The following CACNA1C variants were observed in gnomAD, a reference collection of about 807,000 sequenced individuals.
CACNA1C encodes the protein voltage-dependent L-type calcium channel subunit alpha-1C.
In CACNA1C, 30 loss-of-function variants were observed where a neutral mutation model predicts 229.0. The observed-to-expected ratio is 0.13, with a 90% CI of 0.10 to 0.18. The LOEUF is 0.18. Ranked by LOEUF, CACNA1C falls within the 10% of genes least tolerant of loss-of-function variation. The probability of loss-of-function intolerance (pLI) is 1.00; values close to 1 mark genes in which losing one functional copy is unlikely to be tolerated. For synonymous variants in CACNA1C, 1,114 were observed against 1,132.5 expected, an observed-to-expected ratio of 0.98 and a Z score of 0.33; for missense variants, 1,658 against 2,845.0, an observed-to-expected ratio of 0.58 and a Z score of 9.49.
chr12:2,445,233 A>G (rs1257485815), intron 3 of CACNA1C, among the ~76,000 whole-genome samples: 1 of 152,024 alleles, frequency 6.6e-6, no homozygotes, highest in Non-Finnish European at 1.5e-5. Context: ...GAAGATTCTT[A>G]CTTTGGGAAG....
rs545982876 is a variant in CACNA1C, at chr12:2,348,777, T to A, written c.478-100199T>A. ...TCGGGAACTGGGTGGCATGGGAGAG[T>A]AGCTTCAAGCTTGCTCATGGCTGGA... On this transcript the variant is annotated intron_variant, in intron 3 of 46. Coordinates refer to ENST00000399655, the MANE Select transcript of CACNA1C (RefSeq NM_000719.7). This position sits in a 1 kb window ranked among gnomAD's most constrained non-coding sequence, Gnocchi z 4.7. Among the ~76,000 whole-genome samples the A allele has an allele frequency of 6.6e-6, 1 of 151,536 alleles. No individual in the cohort carries two copies. The highest frequency in any genetic ancestry group is 6.6e-5 in the Admixed American group (1 of 15,222).
chr12:2,221,418 G>T lies in CACNA1C; in HGVS notation c.477+100988G>T, dbSNP rs187493155. ...GCAGTGGAGGTGAGATGAATGGACA[G>T]AATTTGGCCAGTGGGATGAATGCAA... On this transcript the variant is annotated intron_variant, in intron 3 of 46. Coordinates refer to ENST00000399655, the MANE Select transcript of CACNA1C (RefSeq NM_000719.7). Among the ~76,000 whole-genome samples, 1,066 of 152,326 alleles carry T rather than the reference G, an allele frequency of 7.0e-3. 12 individuals carry two copies. Among genetic ancestry groups the T allele is most frequent in the African/African-American group, 0.024 (1,003 of 41,566 alleles).
chr12:2,245,940 C>T (rs180687515), intron 3 of CACNA1C, among the ~76,000 whole-genome samples: 16 of 152,086 alleles, frequency 1.1e-4, no homozygotes, highest in East Asian at 3.9e-4. Flanking sequence ...AATAAGGGAC[C>T]GTGGAGCTCT....
At chr12:2,618,383 A>G (rs532030310) in intron 29 of CACNA1C, among the ~76,000 whole-genome samples, 313 of 152,340 alleles carry the variant, frequency 2.1e-3, no homozygotes, top group Non-Finnish European at 3.6e-3. Context: ...ACGGCACACC[A>G]AAGAACAGGC....
At chr12:2,518,285 A>G (rs1040192161) in intron 9 of CACNA1C, among the ~76,000 whole-genome samples, 2 of 152,178 alleles carry the variant, frequency 1.3e-5, no homozygotes, top group Non-Finnish European at 1.5e-5. Context: ...TATATGTGTC[A>G]AGGGCATGTA....
chr12:2,585,974 G>A lies in CACNA1C; in HGVS notation c.2530+70G>A, dbSNP rs1417795900. The A allele has an allele frequency of 1.1e-6, 1 of 911,282 alleles. No individual in the cohort carries two copies. Among genetic ancestry groups the A allele is most frequent in the Non-Finnish European group, 1.7e-6 (1 of 597,360 alleles). The allele number at this position is 911,282 out of a possible 1,614,324, so 56.4% of individuals were successfully genotyped here. ...GAGATCTAAATTCTAAAGCCACGTGGGAGTGGCCATATATTAGGGACCATG... is the reference window on the plus strand; with the variant it reads ...GAGATCTAAATTCTAAAGCCACGTGAGAGTGGCCATATATTAGGGACCATG... On this transcript the variant is annotated intron_variant, in intron 18 of 46. Transcript: ENST00000399655. The surrounding 1 kb of genome is among the most constrained non-coding windows in gnomAD (Gnocchi z 4.1).
At chr12:2,489,116 CTTTCTTT>C (rs2099708054) in intron 6 of CACNA1C, among the ~76,000 whole-genome samples, 1 of 151,958 alleles carries the variant, frequency 6.6e-6, no homozygotes, top group African/African-American at 2.4e-5. Flanking sequence ...TTCTTTCTTT[CTTTCTTT>C]TTTTAAAATT....
intron 3 of CACNA1C, among the ~76,000 whole-genome samples, chr12:2,155,466 A>G (rs997638036): frequency 6.6e-5 from 10 of 152,182 alleles, no homozygotes; most frequent in African/African-American, 2.4e-5. Flanking sequence ...TCCGTACATA[A>G]TGAGTTTTTA....
At chr12:2,241,675 C>T (rs570581303) in intron 3 of CACNA1C, among the ~76,000 whole-genome samples, 9 of 152,294 alleles carry the variant, frequency 5.9e-5, no homozygotes, top group African/African-American at 1.9e-4. Flanking sequence ...CTCCCTGTCA[C>T]AGTCAGCTCT....
chr12:2,188,453 T>C (rs2097110967), intron 3 of CACNA1C, among the ~76,000 whole-genome samples: 1 of 152,234 alleles, frequency 6.6e-6, no homozygotes, highest in African/African-American at 2.4e-5. Context: ...TCTAGTTTTA[T>C]ATTTTGGACC....
At chr12:2,682,483 T>C in intron 42 of CACNA1C, 67 bp from the exon 43 acceptor site, 1 of 1,575,626 alleles carries the variant, frequency 6.3e-7, no homozygotes, top group African/African-American at 1.3e-5. Context: ...TGTGATGCTT[T>C]ACTTGCTGAA....
intron 9 of CACNA1C, 139 bp from the exon 10 acceptor site, chr12:2,549,804 C>G (rs973881303): frequency 4.5e-6 from 3 of 672,194 alleles, no homozygotes; most frequent in East Asian, 2.7e-5. Flanking sequence ...CTGTGCAGAT[C>G]AGCCAGCCAG....
chr12:1,979,256 C>T (rs754490063), intron 1 of CACNA1C, among the ~76,000 whole-genome samples: 18 of 152,164 alleles, frequency 1.2e-4, no homozygotes, highest in South Asian at 8.3e-4. Context: ...TCAGGTGATC[C>T]GCCTGCTTCG....
intron 7 of CACNA1C, among the ~76,000 whole-genome samples, chr12:2,497,993 A>ACACACACACACACACT (rs1277321658): frequency 6.6e-6 from 1 of 151,934 alleles, no homozygotes; most frequent in Non-Finnish European, 1.5e-5. Context: ...ACACACACAC[A>ACACACACACACACACT]CACACACACA....
chr12:2,166,486 A>G (rs2096239226), intron 3 of CACNA1C, among the ~76,000 whole-genome samples: 1 of 152,218 alleles, frequency 6.6e-6, no homozygotes, highest in South Asian at 2.1e-4. Context: ...TGAGATACCT[A>G]AGGAGTGTCA....
intron 3 of CACNA1C, among the ~76,000 whole-genome samples, chr12:2,434,646 GT>G (rs1383261963): frequency 6.6e-6 from 1 of 152,204 alleles, no homozygotes; most frequent in African/African-American, 2.4e-5. Context: ...GGTCTGGCAA[GT>G]TTGCATGGCA....
chr12:2,046,360 A>C (rs2051040966), intron 1 of CACNA1C, among the ~76,000 whole-genome samples: 1 of 152,170 alleles, frequency 6.6e-6, no homozygotes, highest in South Asian at 2.1e-4. Context: ...ATGAAGGTAC[A>C]GCTTTGGTGA....
In CACNA1C at chr12:2,135,722, G is replaced by T. The variant is rs572929502; in HGVS notation, c.477+15292G>T. Among the ~76,000 whole-genome samples the T allele has an allele frequency of 1.4e-4, 21 of 146,158 alleles. 1 individual carries two copies. In the South Asian group the frequency reaches 4.3e-3, roughly 30 times the overall value. Reference sequence around the variant, plus strand: ...CTGCTCTCTTCAAAGCTGTCAGACAGGGACATTTAAGTCTGCAGAAGTTAC... The same window carrying T: ...CTGCTCTCTTCAAAGCTGTCAGACATGGACATTTAAGTCTGCAGAAGTTAC... On this transcript the variant is annotated intron_variant, in intron 3 of 46. Transcript: ENST00000399655.
At chr12:2,407,857 C>A (rs999498725) in intron 3 of CACNA1C, among the ~76,000 whole-genome samples, 2 of 152,216 alleles carry the variant, frequency 1.3e-5, no homozygotes, top group African/African-American at 4.8e-5. Flanking sequence ...AGAGAAATGT[C>A]TATTCAAATC....
Sources: allele counts gnomAD v4.1 joint callset (sites outside exome capture counted in the v4.1 genomes callset), GRCh38; gene constraint gnomAD v4.1.1; non-coding constraint Gnocchi (gnomAD v3.1); transcripts MANE v1.5; gene names NCBI Gene and HGNC (gene_info 2026-07-23, HGNC 2026-07-21).